The following KIAA1217 variants were observed in gnomAD, a reference collection of about 807,000 sequenced individuals.
KIAA1217 encodes the protein KIAA1217.
A neutral mutation model predicts 163.9 loss-of-function variants in KIAA1217; 88 were observed. The observed-to-expected ratio is 0.54, with a 90% CI of 0.45 to 0.64. KIAA1217 has a LOEUF of 0.64. Among genes scored for constraint, KIAA1217 ranks in the 30% least tolerant of loss-of-function variants. The pLI is 0.00. For synonymous variants in KIAA1217, 903 were observed against 923.1 expected, an observed-to-expected ratio of 0.98 and a Z score of 0.39; for missense variants, 2,372 against 2,475.0, an observed-to-expected ratio of 0.96 and a Z score of 0.88.
intron 1 of KIAA1217, among the ~76,000 whole-genome samples, chr10:23,821,932 C>T (rs974705734): frequency 1.4e-4 from 21 of 152,150 alleles, no homozygotes; most frequent in Non-Finnish European, 2.9e-4. Context: ...AGGTACTTCT[C>T]CCACTGCATG....
chr10:24,251,289 A>G (rs2074478002), intron 2 of KIAA1217, among the ~76,000 whole-genome samples: 2 of 151,436 alleles, frequency 1.3e-5, no homozygotes, highest in South Asian at 2.1e-4. Context: ...AGTTCCAGCT[A>G]TGCAGGAAGT....
At chr10:24,220,151 G>A (rs2069383022) in intron 2 of KIAA1217, among the ~76,000 whole-genome samples, 1 of 152,086 alleles carries the variant, frequency 6.6e-6, no homozygotes, top group African/African-American at 2.4e-5. Flanking sequence ...GAGAGGAAGG[G>A]CCTAGAGAGT....
intron 17 of KIAA1217, chr10:24,542,446 A>C: frequency 7.8e-7 from 1 of 1,284,158 alleles, no homozygotes. Flanking sequence ...CCACTCCCCT[A>C]CAAAATTTTA....
chr10:24,386,337 C>T (rs1564588143), intron 3 of KIAA1217, among the ~76,000 whole-genome samples: 2 of 152,236 alleles, frequency 1.3e-5, no homozygotes, highest in Non-Finnish European at 1.5e-5. Context: ...ACATGATTAA[C>T]TTTGATGCTT....
At chr10:24,189,255 C>T (rs911509490) in intron 2 of KIAA1217, among the ~76,000 whole-genome samples, 1 of 152,088 alleles carries the variant, frequency 6.6e-6, no homozygotes, top group African/African-American at 2.4e-5. Flanking sequence ...ATAAAGTGTA[C>T]ACTCATTCAA....
At chr10:24,418,497 A>G (rs1054006657) in intron 3 of KIAA1217, among the ~76,000 whole-genome samples, 2 of 152,222 alleles carry the variant, frequency 1.3e-5, no homozygotes, top group African/African-American at 4.8e-5. Context: ...TTAAATCTAC[A>G]CGCAAATTAC....
intron 2 of KIAA1217, among the ~76,000 whole-genome samples, chr10:24,110,165 C>CT (rs2131741131): frequency 6.6e-6 from 1 of 152,332 alleles, no homozygotes; most frequent in African/African-American, 2.4e-5. Flanking sequence ...TCCTAATTCA[C>CT]TTTCCATGTT....
chr10:24,127,140 T>A (rs1288644164), intron 2 of KIAA1217, among the ~76,000 whole-genome samples: 1 of 152,170 alleles, frequency 6.6e-6, no homozygotes, highest in East Asian at 1.9e-4. Flanking sequence ...ATATTCTCCA[T>A]GCAAAACTTT....
chr10:23,785,513 A>G (rs918366770), intron 1 of KIAA1217, among the ~76,000 whole-genome samples: 2 of 152,118 alleles, frequency 1.3e-5, no homozygotes, highest in South Asian at 2.1e-4. Context: ...TTTATTTTTC[A>G]TCACTTTGAA....
intron 1 of KIAA1217, among the ~76,000 whole-genome samples, chr10:23,702,684 C>G (rs1450831379): frequency 1.3e-5 from 2 of 151,474 alleles, no homozygotes; most frequent in Non-Finnish European, 2.9e-5. Flanking sequence ...CACACACACA[C>G]ACACACACAC....
intron 2 of KIAA1217, among the ~76,000 whole-genome samples, chr10:24,106,148 A>T (rs762830753): frequency 1.2e-4 from 19 of 152,256 alleles, no homozygotes; most frequent in Admixed American, 5.9e-4. Context: ...CCAGGACACA[A>T]GGGTGGCAGG....
intron 2 of KIAA1217, among the ~76,000 whole-genome samples, chr10:24,168,831 AT>A (rs2065480550): frequency 6.6e-6 from 1 of 152,120 alleles, no homozygotes; most frequent in African/African-American, 2.4e-5. Context: ...TGGAGAAATT[AT>A]TTTTCTTTTC....
At chr10:24,174,125 G>A (rs933386141) in intron 2 of KIAA1217, among the ~76,000 whole-genome samples, 1 of 152,178 alleles carries the variant, frequency 6.6e-6, no homozygotes, top group Non-Finnish European at 1.5e-5. Context: ...GGTAAGACAA[G>A]GGCTTCATTG....
At chr10:24,053,972 G>T (rs978819693) in intron 2 of KIAA1217, among the ~76,000 whole-genome samples, 59 of 152,062 alleles carry the variant, frequency 3.9e-4, no homozygotes, top group Admixed American at 1.4e-3. Flanking sequence ...GAGAGAGGAA[G>T]AGACTGAAAT....
chr10:23,834,170 G>C (rs1030135560), intron 1 of KIAA1217, among the ~76,000 whole-genome samples: 5 of 152,128 alleles, frequency 3.3e-5, no homozygotes, highest in African/African-American at 1.2e-4. Flanking sequence ...TTTTTATTTT[G>C]TTTTATCTTT....
intron 2 of KIAA1217, among the ~76,000 whole-genome samples, chr10:24,137,488 G>A (rs570959067): frequency 9.2e-5 from 14 of 152,352 alleles, no homozygotes; most frequent in Non-Finnish European, 1.5e-4. Context: ...TCACATTTGA[G>A]CAAAACTGCT....
intron 2 of KIAA1217, among the ~76,000 whole-genome samples, chr10:24,141,233 C>CG (rs1554882513): frequency 1.5e-5 from 2 of 132,350 alleles, no homozygotes; most frequent in African/African-American, 5.4e-5. Flanking sequence ...AAACCCCCCC[C>CG]CCCCATTTCT....
chr10:24,182,517 T>C (rs2066230115), intron 2 of KIAA1217, among the ~76,000 whole-genome samples: 1 of 152,144 alleles, frequency 6.6e-6, no homozygotes, highest in African/African-American at 2.4e-5. Flanking sequence ...TTTGTTTGTT[T>C]GTCTTCATTT....
rs528972532 is a variant in KIAA1217 at position 24,097,907 on chromosome 10, A to G, written c.-171+90533A>G. Among the ~76,000 whole-genome samples the G allele has an allele frequency of 3.3e-5, 5 of 152,248 alleles. No homozygotes were observed. The South Asian group carries it at 1.0e-3, about 32-fold the overall frequency. ...ATAGGCAGGAACAGCCACGGCACCA[A>G]TGGGGAGGTACCTGCATTCCTCTAG... is the stretch of plus-strand genomic sequence containing the variant. On this transcript the variant is annotated intron_variant, in intron 2 of 18. Transcript: ENST00000376462.
Sources: gnomAD v4.1 joint callset for allele counts (sites outside exome capture counted in the v4.1 genomes callset) on GRCh38, gnomAD v4.1.1 for gene constraint, MANE v1.5 for transcripts, NCBI Gene and HGNC (gene_info 2026-07-23, HGNC 2026-07-21) for gene names.